The following NDUFS2 variants were observed in gnomAD, a reference collection of about 807,000 sequenced individuals.
The protein encoded by NDUFS2 is NADH:ubiquinone oxidoreductase core subunit S2.
Under a neutral mutation model 69.6 loss-of-function variants are expected in NDUFS2, and 38 were observed. The observed-to-expected ratio is 0.55, with a 90% CI of 0.42 to 0.72. NDUFS2 has a LOEUF of 0.72. Among genes scored for constraint, NDUFS2 ranks in the 30% least tolerant of loss-of-function variants. The pLI is 0.00. For missense variants in NDUFS2, 468 were observed against 595.0 expected (o/e 0.79, Z 2.22); for synonymous variants, 194 against 211.2 (o/e 0.92, Z 0.70).
chr1:161,200,170 G>A (rs1665053498), upstream of NDUFS2, among the ~76,000 whole-genome samples: 1 of 152,128 alleles, frequency 6.6e-6, no homozygotes, highest in Non-Finnish European at 1.5e-5. Flanking sequence ...CCCTGGGGCA[G>A]GGAGAGGGTG....
chr1:161,212,589 C>CA (rs1474171466), intron 10 of NDUFS2, 109 bp downstream of exon 10: 3 of 1,411,918 alleles, frequency 2.1e-6, no homozygotes, highest in African/African-American at 2.9e-5. Flanking sequence ...TTTTTTGAGA[C>CA]AGAGTTTTAC....
Position 161,212,335 on chromosome 1 carries a change from G to A in NDUFS2, c.987-16G>A. The A allele has an allele frequency of 1.9e-6, 3 of 1,613,082 alleles. No homozygotes were observed. Among genetic ancestry groups the A allele is most frequent in the Non-Finnish European group, 2.5e-6 (3 of 1,179,398 alleles). ...CCTCTGACTGTTCTTCTCTTGCTCT[G>A]TCTCATCTTCTTGAGGTACCTGTGC... is the stretch of plus-strand genomic sequence containing the variant. On this transcript the variant is annotated splice_polypyrimidine_tract_variant and intron_variant, in intron 9 of 13. Transcript: ENST00000676972.
chr1:161,208,275 C>T (rs906132278), intron 3 of NDUFS2, among the ~76,000 whole-genome samples: 4 of 151,354 alleles, frequency 2.6e-5, no homozygotes, highest in Non-Finnish European at 4.4e-5. Flanking sequence ...TGAGCCACCG[C>T]GCCTGACCAG....
At position 161,213,917 on chromosome 1, in the gene NDUFS2, C is replaced by T; in HGVS notation, c.1350C>T (p.Ile450=). 6.2e-7 allele frequency: 1 copy of T among 1,614,172 alleles called. No homozygotes were observed. The highest frequency in any genetic ancestry group is 8.5e-7 in the Non-Finnish European group (1 of 1,180,040). Residue 450 remains isoleucine (I), a synonymous_variant, in exon 13 of 14, where the codon ATC becomes ATT. Coordinates refer to ENST00000676972, the MANE Select transcript of NDUFS2 (RefSeq NM_001377299.1). Reference sequence around the variant, plus strand: ...ACATGTTGGCAGATGTCGTTGCCATCATAGGTACGAGGCCTATTGTGTAGT... The same window carrying T: ...ACATGTTGGCAGATGTCGTTGCCATTATAGGTACGAGGCCTATTGTGTAGT... ...KGHMLADVVA[I]IGTQDIVFGE...
At chr1:161,209,147 G>C (rs747138660) in intron 3 of NDUFS2, 46 bp from the exon 4 acceptor site, 1 of 1,614,076 alleles carries the variant, frequency 6.2e-7, no homozygotes, top group South Asian at 1.1e-5. Flanking sequence ...CAGACTGTGG[G>C]CTCCTGAGCC....
chr1:161,203,397 G>T (rs376537548), intron 1 of NDUFS2, 40 bp from the exon 2 acceptor site: 1 of 1,551,492 alleles, frequency 6.4e-7, no homozygotes, highest in Non-Finnish European at 8.9e-7. Context: ...ACCAAACACT[G>T]TTCAGGCCCT....
intron 1 of NDUFS2, among the ~76,000 whole-genome samples, chr1:161,202,743 A>G (rs1665214846): frequency 6.6e-6 from 1 of 152,110 alleles, no homozygotes; most frequent in African/African-American, 2.4e-5. Context: ...CTCCTGTCAT[A>G]CCTGAGTAGA....
At chr1:161,201,902 G>A (rs1388363166), upstream of NDUFS2, 1 of 187,326 alleles carries the variant, frequency 5.3e-6, no homozygotes, top group African/African-American at 2.3e-5. Context: ...GAAATTAGCT[G>A]GCTTTCCCAA....
rs768288183 is a variant in NDUFS2 at position 161,209,613 on chromosome 1, G to C, written c.627+18G>C. 2.5e-6 allele frequency: 4 copies of C among 1,587,250 alleles called. No homozygotes were observed. In the Admixed American group the frequency reaches 5.1e-5, roughly 20 times the overall value. On this transcript the variant is annotated intron_variant, in intron 5 of 13. Coordinates refer to ENST00000676972, the MANE Select transcript of NDUFS2 (RefSeq NM_001377299.1). ...GGGAGAAGGTAAGAGTGGGAGGAAA[G>C]GATAGGAATAGGGAAGGAAGTGCAG...
chr1:161,208,449 C>T (rs1321555075), intron 3 of NDUFS2, among the ~76,000 whole-genome samples: 1 of 152,030 alleles, frequency 6.6e-6, no homozygotes, highest in African/African-American at 2.4e-5. Flanking sequence ...TACAGGCATG[C>T]ACCACCACGC....
At chr1:161,206,745 G>A (rs535412659) in intron 3 of NDUFS2, 148 bp downstream of exon 3, 124 of 812,738 alleles carry the variant, frequency 1.5e-4, no homozygotes, top group Non-Finnish European at 2.2e-4. Context: ...TGGATGGAGG[G>A]AAGTGGCAGG....
At chr1:161,203,362 C>T (rs1388925545) in intron 1 of NDUFS2, 75 bp from the exon 2 acceptor site, 2 of 1,310,226 alleles carry the variant, frequency 1.5e-6, no homozygotes, top group Non-Finnish European at 2.2e-6. Context: ...CCTGGGTCCC[C>T]TTGAGAGTGA....
Position 161,203,460 on chromosome 1 carries a change from A to T in NDUFS2, c.119A>T (p.Asp40Val). 6.2e-7 allele frequency: 1 copy of T among 1,614,140 alleles called. No individual in the cohort carries two copies. Among genetic ancestry groups the T allele is most frequent in the Non-Finnish European group, 8.5e-7 (1 of 1,180,014 alleles). ...AGAGGTGTTCGGCAGTGGCAGCCAG[A>T]TGTGGAATGGGCACAGCAGTTTGGG... The part of the protein sequence containing the change: ...PSRGVRQWQP[D>V]VEWAQQFGGA... The change falls in exon 2 of 14, where the codon GAT (aspartate) becomes GTT (valine). Residue 40 changes from aspartate (D) to valine (V), a missense_variant. Asp to Val is a radical substitution (Grantham distance 152). This residue lies in a region of NDUFS2 where 339 missense variants were observed against 433.8 expected (regional missense o/e 0.78). Transcript: ENST00000676972.
intron 3 of NDUFS2, 112 bp downstream of exon 3, chr1:161,206,709 A>ATCTCAACGGGTTACT: frequency 8.8e-7 from 1 of 1,134,002 alleles, no homozygotes; most frequent in Non-Finnish European, 1.3e-6. Flanking sequence ...GAGAGGAGTA[A>ATCTCAACGGGTTACT]CCCGTTGAGA....
At position 161,206,543 on chromosome 1, in the gene NDUFS2, C is replaced by T. The variant is rs374883390; in HGVS notation, c.339C>T (p.Ile113=). ...GEMVRKCDPH[I]GLLHRGTEKL... is the part of the protein sequence containing the mutation. Reference sequence around the variant, plus strand: ...TGGTGCGGAAGTGTGATCCTCACATCGGGCTCCTGCACCGAGGCACTGAGA... The same window carrying T: ...TGGTGCGGAAGTGTGATCCTCACATTGGGCTCCTGCACCGAGGCACTGAGA... Residue 113 remains isoleucine, a synonymous_variant, in exon 3 of 14, where the codon ATC becomes ATT. Transcript: ENST00000676972. 7.3e-5 allele frequency: 118 copies of T among 1,614,056 alleles called. No homozygotes were observed. Among genetic ancestry groups the T allele is most frequent in the Middle Eastern group, 1.7e-4 (1 of 6,042 alleles).
At chr1:161,204,463 G>T (rs906626230) in intron 2 of NDUFS2, among the ~76,000 whole-genome samples, 3 of 152,046 alleles carry the variant, frequency 2.0e-5, no homozygotes, top group Non-Finnish European at 4.4e-5. Context: ...GATTTATCTT[G>T]TATTAGACCC....
Position 161,213,689 on chromosome 1 carries a change from G to A in NDUFS2, c.1253G>A (p.Arg418His), listed in dbSNP as rs754235300. ...GVYLVSDGSS[R>H]PYRCKIKAPG... The stretch of plus-strand genomic sequence containing the variant: ...TACCTGGTGTCTGATGGCAGCAGCC[G>A]CCCTTATCGATGCAAGATCAAGGCT... Residue 418 changes from arginine (R) to histidine (H), a missense_variant, in exon 12 of 14, where the codon CGC becomes CAC. Physicochemically the swap from Arg to His is conservative, Grantham distance 29 (BLOSUM62 0). Transcript: ENST00000676972. The A allele has an allele frequency of 8.7e-6, 14 of 1,614,078 alleles. No homozygotes were observed. Among genetic ancestry groups the A allele is most frequent in the East Asian group, 4.5e-5 (2 of 44,902 alleles).
At chr1:161,203,599 T>A in intron 2 of NDUFS2, 56 bp downstream of exon 2, 2 of 1,428,552 alleles carry the variant, frequency 1.4e-6, no homozygotes, top group Non-Finnish European at 2.0e-6. Context: ...CCAGCTGATT[T>A]CCTTTTCTTT....
rs760084003 is a variant in NDUFS2, at chr1:161,210,604, C to T, written c.880C>T (p.Arg294Trp). ...TGCTCTCCACAGTGGAGTGATGCTT[C>T]GGGGCTCAGGCATCCAGTGGGACCT... ...LNYGFSGVML[R>W]GSGIQWDLRK... Residue 294 changes from arginine to tryptophan, a missense_variant, in exon 9 of 14, where the codon CGG becomes TGG. Arg to Trp is a moderately radical substitution (Grantham distance 101). Transcript: ENST00000676972. 24 of 1,614,106 alleles carry T rather than the reference C, an allele frequency of 1.5e-5. No individual in the cohort carries two copies. Among genetic ancestry groups the T allele is most frequent in the Non-Finnish European group, 2.0e-5 (24 of 1,180,014 alleles).
Sources: allele counts gnomAD v4.1 joint callset (sites outside exome capture counted in the v4.1 genomes callset), GRCh38; gene constraint gnomAD v4.1.1; regional missense constraint gnomAD v4.1.1; transcripts MANE v1.5; gene names NCBI Gene and HGNC (gene_info 2026-07-23, HGNC 2026-07-21).